Variants in RAD52 observed in about 807,000 individuals in gnomAD.
RAD52 encodes the protein RAD52 DNA repair protein, also known as DNA repair protein RAD52 homolog.
Under a neutral mutation model 55.5 loss-of-function variants are expected in RAD52, and 47 were observed. That is an observed-to-expected ratio of 0.85 (90% CI 0.67 to 1.08). RAD52 has a LOEUF of 1.08. Ranked by LOEUF, RAD52 falls within the 50% of genes least tolerant of loss-of-function variation. The pLI, the probability that RAD52 is intolerant of heterozygous loss-of-function variation, is 0.00. For missense variants in RAD52, 468 were observed against 522.8 expected (o/e 0.90, Z 1.02); for synonymous variants, 184 against 198.9 (o/e 0.92, Z 0.63).
intron 1 of RAD52, among the ~76,000 whole-genome samples, chr12:944,848 T>C (rs1958124546): frequency 6.8e-6 from 1 of 148,008 alleles, no homozygotes; most frequent in African/African-American, 2.5e-5. Context: ...CACAAAACCA[T>C]TTCTTATTAT....
At chr12:978,308 C>CTGT (rs1958961434) in intron 1 of RAD52, among the ~76,000 whole-genome samples, 1 of 151,976 alleles carries the variant, frequency 6.6e-6, no homozygotes, top group South Asian at 2.1e-4. Context: ...CCGCCTTGGC[C>CTGT]TCCCACAGTG....
At chr12:939,778 G>A (rs934075667) in intron 1 of RAD52, among the ~76,000 whole-genome samples, 1 of 152,184 alleles carries the variant, frequency 6.6e-6, no homozygotes, top group East Asian at 1.9e-4. Flanking sequence ...GCAAAGAAGA[G>A]AGAAGAGGGC....
chr12:950,014 G>A (rs1250530097), upstream of RAD52, among the ~76,000 whole-genome samples: 1 of 152,184 alleles, frequency 6.6e-6, no homozygotes, highest in East Asian at 1.9e-4. Context: ...GGCTAGTTAG[G>A]CCCGGGTGGT....
Position 968,943 on chromosome 12 carries a change from G to A in RAD52, c.-19+20866C>T, listed in dbSNP as rs566951356. ...CACACAGAGTCAGCTCTCCGTATCC[G>A]TGGTTTCTGCATCAATGGATTCAAC... On this transcript the variant is annotated intron_variant, in intron 1 of 11. Transcript: ENST00000430095. Among the ~76,000 whole-genome samples, 28 of 152,160 alleles carry A rather than the reference G, an allele frequency of 1.8e-4. No homozygotes were observed. In the South Asian group the frequency reaches 5.4e-3, roughly 29 times the overall value.
chr12:990,824 C>A (rs1959175718), upstream of RAD52, among the ~76,000 whole-genome samples: 2 of 151,514 alleles, frequency 1.3e-5, no homozygotes, highest in South Asian at 2.1e-4. Context: ...AGACACGAAG[C>A]GGCTCCTCGG....
chr12:923,573 TA>T (rs368376156), intron 7 of RAD52, among the ~76,000 whole-genome samples: 42,348 of 135,306 alleles, frequency 0.31, 6,627 homozygotes, highest in African/African-American at 0.43. Context: ...TAAAATAAAT[TA>T]AAAAAAAAAA....
chr12:938,887 G>T (rs750836293), intron 1 of RAD52, among the ~76,000 whole-genome samples: 1 of 151,758 alleles, frequency 6.6e-6, no homozygotes, highest in Non-Finnish European at 1.5e-5. Flanking sequence ...TCAGCCTCCC[G>T]AGTAGCTTAG....
At chr12:966,680 T>C (rs1010031005) in intron 1 of RAD52, among the ~76,000 whole-genome samples, 1 of 152,044 alleles carries the variant, frequency 6.6e-6, no homozygotes, top group Non-Finnish European at 1.5e-5. Flanking sequence ...TTAATGATTA[T>C]GGAGCACTTA....
At chr12:963,685 T>A (rs1407373734) in intron 1 of RAD52, among the ~76,000 whole-genome samples, 1 of 152,134 alleles carries the variant, frequency 6.6e-6, no homozygotes, top group Non-Finnish European at 1.5e-5. Flanking sequence ...ATATTCTAAC[T>A]GTTGGCTTCT....
intron 1 of RAD52, among the ~76,000 whole-genome samples, chr12:944,081 T>C (rs1958063005): frequency 1.3e-5 from 2 of 151,968 alleles, no homozygotes; most frequent in Non-Finnish European, 2.9e-5. Flanking sequence ...CTGGGCCTGG[T>C]GGAATGTTCC....
chr12:937,532 TCTC>T (rs749638764), intron 1 of RAD52, among the ~76,000 whole-genome samples: 7 of 152,020 alleles, frequency 4.6e-5, no homozygotes, highest in Non-Finnish European at 5.9e-5. Flanking sequence ...TTCAAGCAAT[TCTC>T]CTGCCTCAGC....
At chr12:988,632 G>A (rs2154122369) in intron 1 of RAD52, among the ~76,000 whole-genome samples, 1 of 152,336 alleles carries the variant, frequency 6.6e-6, no homozygotes, top group East Asian at 1.9e-4. Flanking sequence ...TTTTTGTGCT[G>A]CATCAAGACA....
In RAD52 at chr12:914,339, C is replaced by T. The variant is rs535959175; in HGVS notation, c.967+92G>A. 165 of 1,540,330 alleles carry T rather than the reference C, an allele frequency of 1.1e-4. No individual in the cohort carries two copies. In the South Asian group the frequency reaches 1.2e-3, roughly 11 times the overall value. On this transcript the variant is annotated intron_variant, in intron 10 of 11. Coordinates refer to ENST00000358495, the MANE Select transcript of RAD52 (RefSeq NM_134424.4). ...CCAGAACCCCCTCAACAAAACCACA[C>T]GAAAATGAGGATTTTTATGTCGCCT...
At chr12:984,661 CA>C (rs990827261) in intron 1 of RAD52, among the ~76,000 whole-genome samples, 4 of 151,618 alleles carry the variant, frequency 2.6e-5, no homozygotes, top group African/African-American at 9.7e-5. Context: ...CTGAATAATA[CA>C]AAAGACTTTT....
In RAD52 at chr12:912,749, A is replaced by AAC. The variant is rs1956165650; in HGVS notation, c.*641_*642insGT. ...AAAAAAAAAAAAAAAAAAAAAACAA[A>AAC]AAACAGCCTTTTTTCGTGGTCTTAG... On this transcript the variant is annotated 3_prime_UTR_variant, in exon 12 of 12. Transcript: ENST00000358495. 1 of 168,994 alleles carries AAC rather than the reference A, an allele frequency of 5.9e-6. No individual in the cohort carries two copies. The highest frequency in any genetic ancestry group is 2.5e-5 in the African/African-American group (1 of 40,438). 10.5% of individuals were successfully genotyped at this position (168,994 alleles called of 1,614,324 possible). A position where few individuals can be genotyped will look rare whatever the true frequency, so the allele number is the denominator to read the frequency against.
chr12:947,828 A>C (rs1488713790), intron 1 of RAD52, among the ~76,000 whole-genome samples: 2 of 148,164 alleles, frequency 1.3e-5, no homozygotes, highest in Non-Finnish European at 3.0e-5. Flanking sequence ...GTGAGGTTGC[A>C]GTGAGCCCAG....
At chr12:918,919 TC>T (rs1956555674) in intron 7 of RAD52, among the ~76,000 whole-genome samples, 3 of 152,202 alleles carry the variant, frequency 2.0e-5, no homozygotes, top group Admixed American at 2.0e-4. Context: ...TTTTCATACT[TC>T]GGTCAATTTT....
rs768999574 is a variant in RAD52 at position 913,955 on chromosome 12, T to C, written c.1134A>G (p.Lys378=). The change falls in exon 11 of 12, where the codon AAA becomes AAG. Residue 378 remains lysine, a synonymous_variant. Coordinates refer to ENST00000358495, the MANE Select transcript of RAD52 (RefSeq NM_134424.4). Reference sequence around the variant, plus strand: ...CCCAAGATCCAGATTTTGCTTGTGGTTTCTGGTGGCAAACGCTGTGTGGAG... The same window carrying C: ...CCCAAGATCCAGATTTTGCTTGTGGCTTCTGGTGGCAAACGCTGTGTGGAG... ...NRTPHSVCHQ[K]PQAKSGSWDL... is the part of the protein sequence containing the mutation. 18 of 1,614,160 alleles carry C rather than the reference T, an allele frequency of 1.1e-5. No individual in the cohort carries two copies. In the Admixed American group the frequency reaches 3.0e-4, roughly 27 times the overall value.
chr12:916,205 CCTG>C, intron 9 of RAD52, 136 bp downstream of exon 9: 24 of 1,459,712 alleles, frequency 1.6e-5, no homozygotes, highest in Non-Finnish European at 2.2e-5. Context: ...GCTCATCTCT[CCTG>C]CGTGTAGCTT....
Sources: allele counts gnomAD v4.1 joint callset (sites outside exome capture counted in the v4.1 genomes callset), GRCh38; gene constraint gnomAD v4.1.1; transcripts MANE v1.5; gene names NCBI Gene and HGNC (gene_info 2026-07-23, HGNC 2026-07-21).